Variants in AFG1L observed in about 807,000 individuals in gnomAD.
The protein encoded by AFG1L is AFG1-like ATPase.
In AFG1L, 53 loss-of-function variants were observed where a neutral mutation model predicts 62.2. The ratio of observed to expected loss-of-function variants is 0.85; its 90% CI spans 0.68 to 1.07. AFG1L has a LOEUF of 1.07. Ranked by LOEUF, AFG1L falls within the 50% of genes least tolerant of loss-of-function variation. The pLI is 0.00. For synonymous variants in AFG1L, 228 were observed against 210.3 expected, an observed-to-expected ratio of 1.08 and a Z score of -0.73; for missense variants, 555 against 590.5, an observed-to-expected ratio of 0.94 and a Z score of 0.62.
intron 6 of AFG1L, among the ~76,000 whole-genome samples, chr6:108,381,615 G>A (rs952030043): frequency 6.6e-6 from 1 of 152,090 alleles, no homozygotes; most frequent in East Asian, 1.9e-4. Flanking sequence ...CATCAGAATA[G>A]CTAGAAACAA....
intron 6 of AFG1L, among the ~76,000 whole-genome samples, chr6:108,400,558 T>G (rs1199843119): frequency 1.4e-5 from 2 of 138,950 alleles, no homozygotes; most frequent in African/African-American, 2.7e-5. Flanking sequence ...GCATTATATA[T>G]TTATATAAAT....
intron 7 of AFG1L, among the ~76,000 whole-genome samples, chr6:108,423,297 T>C (rs1770678885): frequency 1.3e-5 from 2 of 152,078 alleles, no homozygotes; most frequent in Non-Finnish European, 2.9e-5. Context: ...CTGACAGTAA[T>C]AAAGAATAGA....
At chr6:108,425,464 T>C (rs1770770877) in intron 7 of AFG1L, among the ~76,000 whole-genome samples, 1 of 151,670 alleles carries the variant, frequency 6.6e-6, no homozygotes, top group Non-Finnish European at 1.5e-5. Context: ...TGAAGGCTCT[T>C]TAGAAACACT....
At chr6:108,403,745 G>A (rs1046984797) in intron 7 of AFG1L, among the ~76,000 whole-genome samples, 1 of 148,798 alleles carries the variant, frequency 6.7e-6, no homozygotes, top group Non-Finnish European at 1.5e-5. Context: ...GTCTCAGAAA[G>A]AAACAAGTTA....
chr6:108,500,173 T>TGCGTGC (rs929537476), intron 10 of AFG1L, among the ~76,000 whole-genome samples: 3 of 119,566 alleles, frequency 2.5e-5, no homozygotes, highest in Non-Finnish European at 4.0e-5. Context: ...GGTGCGTGCG[T>TGCGTGC]GTGTGTGTGT....
chr6:108,456,614 A>G (rs1392666868), intron 8 of AFG1L, among the ~76,000 whole-genome samples: 1 of 152,096 alleles, frequency 6.6e-6, no homozygotes, highest in African/African-American at 2.4e-5. Flanking sequence ...CACCCCAGAA[A>G]GAAACCCATA....
At chr6:108,337,592 A>G (rs908341114) in intron 2 of AFG1L, among the ~76,000 whole-genome samples, 5 of 152,154 alleles carry the variant, frequency 3.3e-5, no homozygotes, top group Non-Finnish European at 7.4e-5. Context: ...ATGAGACACA[A>G]AGGCCTAAGG....
intron 1 of AFG1L, among the ~76,000 whole-genome samples, chr6:108,296,233 C>T (rs144308846): frequency 1.0e-3 from 155 of 152,242 alleles, no homozygotes; most frequent in African/African-American, 3.6e-3. Flanking sequence ...GGAATAGGCT[C>T]CACACACTGC....
At chr6:108,355,427 A>G (rs1230068393) in intron 3 of AFG1L, among the ~76,000 whole-genome samples, 1 of 152,192 alleles carries the variant, frequency 6.6e-6, no homozygotes, top group Non-Finnish European at 1.5e-5. Context: ...TGTTAACTAA[A>G]TGTTGTATTT....
intron 1 of AFG1L, among the ~76,000 whole-genome samples, chr6:108,306,133 A>ACTT (rs1244672297): frequency 6.6e-6 from 1 of 152,154 alleles, no homozygotes; most frequent in East Asian, 1.9e-4. Context: ...TGAACTCCTG[A>ACTT]CTTCAGGTTA....
At chr6:108,474,345 A>T (rs555174706) in intron 8 of AFG1L, among the ~76,000 whole-genome samples, 20 of 152,304 alleles carry the variant, frequency 1.3e-4, no homozygotes, top group Admixed American at 7.2e-4. Context: ...CAACAAATAT[A>T]TGTGTGCATT....
intron 7 of AFG1L, among the ~76,000 whole-genome samples, chr6:108,420,298 G>T (rs943508593): frequency 7.9e-5 from 12 of 151,524 alleles, no homozygotes; most frequent in African/African-American, 2.4e-4. Flanking sequence ...ACTGTATGTG[G>T]TAAAATATTT....
intron 2 of AFG1L, among the ~76,000 whole-genome samples, chr6:108,330,861 A>G (rs1320139395): frequency 6.6e-6 from 1 of 152,212 alleles, no homozygotes; most frequent in East Asian, 1.9e-4. Flanking sequence ...ATAAATAAAT[A>G]AATAAATTTC....
chr6:108,351,771 T>G (rs936301785), intron 3 of AFG1L, among the ~76,000 whole-genome samples: 5 of 152,092 alleles, frequency 3.3e-5, no homozygotes, highest in Non-Finnish European at 5.9e-5. Context: ...ACATTTCCAG[T>G]GTATGATTCA....
chr6:108,331,216 G>C (rs1164940560), intron 2 of AFG1L, among the ~76,000 whole-genome samples: 2 of 152,156 alleles, frequency 1.3e-5, no homozygotes, highest in African/African-American at 2.4e-5. Context: ...AGCCCAGAAG[G>C]TTGAGGCTGC....
intron 8 of AFG1L, among the ~76,000 whole-genome samples, chr6:108,460,695 C>T (rs6941571): frequency 0.37 from 56,916 of 151,890 alleles, 11,071 homozygotes; most frequent in Non-Finnish European, 0.44. Context: ...TGGTGGCTCA[C>T]GCCTGTAATC....
Position 108,419,556 on chromosome 6 carries a change from A to G in AFG1L, c.807+17502A>G, listed in dbSNP as rs533851029. Among the ~76,000 whole-genome samples the G allele has an allele frequency of 5.3e-5, 8 of 152,252 alleles. No individual in the cohort carries two copies. In the South Asian group the frequency reaches 1.0e-3, roughly 20 times the overall value. ...AGTTGCCCATTTGGAAGGCATCACT[A>G]TCTGATTTATTTGTTCGGTTTAAAT... On this transcript the variant is annotated intron_variant, in intron 7 of 12. Transcript: ENST00000368977.
intron 8 of AFG1L, among the ~76,000 whole-genome samples, chr6:108,451,478 A>G (rs1251846884): frequency 2.0e-5 from 3 of 152,200 alleles, no homozygotes; most frequent in East Asian, 3.9e-4. Context: ...ATCACATTAA[A>G]TTTAGGAATC....
intron 10 of AFG1L, among the ~76,000 whole-genome samples, chr6:108,488,312 G>T (rs530674109): frequency 6.6e-6 from 1 of 152,208 alleles, no homozygotes; most frequent in South Asian, 2.1e-4. Flanking sequence ...AGAAAATGAG[G>T]TCAGTACATA....
Sources: gnomAD v4.1 joint callset for allele counts (sites outside exome capture counted in the v4.1 genomes callset) on GRCh38, gnomAD v4.1.1 for gene constraint, MANE v1.5 for transcripts, NCBI Gene and HGNC (gene_info 2026-07-23, HGNC 2026-07-21) for gene names.